The following KCNH5 variants were observed in gnomAD, a reference collection of about 807,000 sequenced individuals.
KCNH5 encodes potassium voltage-gated channel subfamily H member 5.
KCNH5 carries 46 observed loss-of-function variants against 96.1 expected under a neutral mutation model. That is an observed-to-expected ratio of 0.48 (90% CI 0.38 to 0.61). KCNH5 has a LOEUF of 0.61. KCNH5 is among the 20% of genes least tolerant of loss of function. The pLI is 0.00. For synonymous variants in KCNH5, 439 were observed against 449.8 expected (o/e 0.98, Z 0.30); for missense variants, 907 against 1,225.8 (o/e 0.74, Z 3.88).
At chr14:62,954,481 A>G (rs1890064349) in intron 6 of KCNH5, among the ~76,000 whole-genome samples, 1 of 152,248 alleles carries the variant, frequency 6.6e-6, no homozygotes, top group East Asian at 1.9e-4. Flanking sequence ...AATTCAATAA[A>G]TGAAAGAATA....
intron 2 of KCNH5, among the ~76,000 whole-genome samples, chr14:63,011,330 T>A (rs896350244): frequency 1.3e-4 from 19 of 151,672 alleles, no homozygotes; most frequent in African/African-American, 4.6e-4. Flanking sequence ...AATACAAAAT[T>A]AGCTAGGCAT....
At chr14:62,712,974 G>C (rs1397170805) in intron 10 of KCNH5, among the ~76,000 whole-genome samples, 1 of 152,126 alleles carries the variant, frequency 6.6e-6, no homozygotes, top group African/African-American at 2.4e-5. Flanking sequence ...CAGGGAGCAG[G>C]GAGGGTCAAA....
intron 4 of KCNH5, among the ~76,000 whole-genome samples, chr14:62,991,952 A>G (rs1890817059): frequency 6.6e-6 from 1 of 152,110 alleles, no homozygotes; most frequent in South Asian, 2.1e-4. Context: ...GTACTCATTA[A>G]GAATTTCTCA....
At chr14:62,796,852 C>T (rs1886552400) in intron 9 of KCNH5, among the ~76,000 whole-genome samples, 1 of 152,140 alleles carries the variant, frequency 6.6e-6, no homozygotes, top group Non-Finnish European at 1.5e-5. Context: ...GAAGCAAAGG[C>T]AGGAAGACTG....
chr14:62,878,421 C>G (rs1888427003), intron 7 of KCNH5, among the ~76,000 whole-genome samples: 1 of 151,984 alleles, frequency 6.6e-6, no homozygotes, highest in Admixed American at 6.6e-5. Context: ...AAAATTATCT[C>G]TAAAGAACAT....
intron 2 of KCNH5, among the ~76,000 whole-genome samples, chr14:63,008,010 A>T (rs2139598929): frequency 6.6e-6 from 1 of 152,308 alleles, no homozygotes; most frequent in East Asian, 1.9e-4. Flanking sequence ...TCAGTTGTAC[A>T]TCTGGTTTTA....
chr14:62,999,358 C>T (rs980841182), intron 4 of KCNH5, among the ~76,000 whole-genome samples: 1 of 152,032 alleles, frequency 6.6e-6, no homozygotes, highest in African/African-American at 2.4e-5. Context: ...CTGTTCATAT[C>T]CTTCGCCCAC....
At chr14:62,912,509 C>T (rs977007258) in intron 7 of KCNH5, among the ~76,000 whole-genome samples, 1 of 151,814 alleles carries the variant, frequency 6.6e-6, no homozygotes, top group African/African-American at 2.4e-5. Context: ...CAGGTTCAAG[C>T]GATTCTCCTG....
intron 9 of KCNH5, among the ~76,000 whole-genome samples, chr14:62,782,288 T>C (rs2139978532): frequency 6.6e-6 from 1 of 152,332 alleles, no homozygotes; most frequent in Admixed American, 6.5e-5. Context: ...GATTTCAAGC[T>C]TAAGAGGCAC....
chr14:62,746,342 G>C (rs1885375089), intron 10 of KCNH5, among the ~76,000 whole-genome samples: 1 of 152,152 alleles, frequency 6.6e-6, no homozygotes, highest in Non-Finnish European at 1.5e-5. Flanking sequence ...TACTCTAGAT[G>C]CTATGATTAC....
At chr14:62,742,201 T>G (rs2139935786) in intron 10 of KCNH5, among the ~76,000 whole-genome samples, 1 of 152,172 alleles carries the variant, frequency 6.6e-6, no homozygotes, top group South Asian at 2.1e-4. Flanking sequence ...ATGGTTCCAC[T>G]TATTTTAGAT....
intron 10 of KCNH5, among the ~76,000 whole-genome samples, chr14:62,772,079 T>A (rs528866763): frequency 6.6e-6 from 1 of 152,274 alleles, no homozygotes; most frequent in Non-Finnish European, 1.5e-5. Context: ...CATAGTAATC[T>A]TCTGTTAGTT....
intron 7 of KCNH5, among the ~76,000 whole-genome samples, chr14:62,890,265 A>C (rs1888679019): frequency 6.6e-6 from 1 of 152,230 alleles, no homozygotes; most frequent in Non-Finnish European, 1.5e-5. Flanking sequence ...TCTGCACAGC[A>C]AAAGAAACCA....
At chr14:62,790,580 C>CTT (rs199614738) in intron 9 of KCNH5, among the ~76,000 whole-genome samples, 1 of 141,136 alleles carries the variant, frequency 7.1e-6, no homozygotes. Context: ...TTCTTTCCTT[C>CTT]TTTTTTTTTT....
intron 7 of KCNH5, among the ~76,000 whole-genome samples, chr14:62,937,883 G>T (rs537817820): frequency 2.4e-4 from 36 of 152,154 alleles, no homozygotes; most frequent in African/African-American, 8.7e-4. Context: ...TCTCTAGCTG[G>T]GTCCTCATAA....
intron 10 of KCNH5, among the ~76,000 whole-genome samples, chr14:62,742,397 G>A (rs1047118025): frequency 1.3e-5 from 2 of 152,126 alleles, no homozygotes; most frequent in African/African-American, 2.4e-5. Flanking sequence ...ATTCTATGTC[G>A]ATACCCCCAG....
At chr14:62,820,613 A>G (rs1327144063) in intron 8 of KCNH5, among the ~76,000 whole-genome samples, 1 of 152,126 alleles carries the variant, frequency 6.6e-6, no homozygotes. Flanking sequence ...TTTCTGCCTT[A>G]GTTTGCTCAG....
At chr14:62,876,158 C>T (rs1202203196) in intron 7 of KCNH5, among the ~76,000 whole-genome samples, 2 of 152,096 alleles carry the variant, frequency 1.3e-5, no homozygotes, top group African/African-American at 4.8e-5. Context: ...CAGAGTGAGA[C>T]TCTGTCTAAA....
At chr14:63,017,947 A>AGT (rs56114938) in intron 1 of KCNH5, among the ~76,000 whole-genome samples, 65,035 of 151,110 alleles carry the variant, frequency 0.43, 14,448 homozygotes, top group East Asian at 0.58. Context: ...GCTGTATAAA[A>AGT]AACTGCTCTG....
Sources: allele counts gnomAD v4.1 joint callset (sites outside exome capture counted in the v4.1 genomes callset), GRCh38; gene constraint gnomAD v4.1.1; transcripts MANE v1.5; gene names NCBI Gene and HGNC (gene_info 2026-07-23, HGNC 2026-07-21).